The following HTR4 variants were observed in gnomAD, a reference collection of about 807,000 sequenced individuals.
HTR4 encodes the protein 5-hydroxytryptamine receptor 4, also known as 5-hydroxytryptamine (serotonin) receptor 4, G protein-coupled.
HTR4 carries 16 observed loss-of-function variants against 36.8 expected under a neutral mutation model. The ratio of observed to expected loss-of-function variants is 0.43; its 90% CI spans 0.29 to 0.66. The LOEUF (loss-of-function observed/expected upper bound fraction) is 0.66. Among genes scored for constraint, HTR4 ranks in the 30% least tolerant of loss-of-function variants. The pLI is 0.13. For missense variants in HTR4, 438 were observed against 490.9 expected, an observed-to-expected ratio of 0.89 and a Z score of 1.02; for synonymous variants, 189 against 185.1, an observed-to-expected ratio of 1.02 and a Z score of -0.17.
intron 2 of HTR4, among the ~76,000 whole-genome samples, chr5:148,621,192 A>C (rs1036193939): frequency 6.6e-6 from 1 of 152,242 alleles, no homozygotes; most frequent in African/African-American, 2.4e-5. Context: ...CATGTCTTCC[A>C]ATTCCTAACA....
intron 5 of HTR4, among the ~76,000 whole-genome samples, chr5:148,514,555 G>T (rs952390122): frequency 6.6e-6 from 1 of 152,060 alleles, no homozygotes; most frequent in African/African-American, 2.4e-5. Context: ...AATAGCTCTT[G>T]ACTGAAGAGA....
At chr5:148,507,783 A>G (rs544807194) in intron 6 of HTR4, among the ~76,000 whole-genome samples, 1 of 152,170 alleles carries the variant, frequency 6.6e-6, no homozygotes, top group Non-Finnish European at 1.5e-5. Context: ...ACTGCTAAAC[A>G]ACTGACTTAG....
At chr5:148,570,783 T>A (rs1760642777) in intron 2 of HTR4, among the ~76,000 whole-genome samples, 1 of 152,132 alleles carries the variant, frequency 6.6e-6, no homozygotes, top group Non-Finnish European at 1.5e-5. Flanking sequence ...CTATCTGGTG[T>A]ATAAAAGAGA....
chr5:148,654,193 C>T lies in HTR4; in HGVS notation c.-179G>A, dbSNP rs954387142. On this transcript the variant is annotated 5_prime_UTR_variant, in exon 1 of 7. Transcript: ENST00000377888. The stretch of plus-strand genomic sequence containing the variant: ...CTGCCTGCGCCCTCCCTGCCGCCCC[C>T]TCGGGTGCGGGCTCCAGCCCCCGCG... 5.1e-6 allele frequency: 5 copies of T among 985,400 alleles called. No homozygotes were observed. Among genetic ancestry groups the T allele is most frequent in the Non-Finnish European group, 6.0e-6 (5 of 829,920 alleles). The allele number at this position is 985,400 out of a possible 1,614,324, so 61.0% of individuals were successfully genotyped here.
intron 2 of HTR4, among the ~76,000 whole-genome samples, chr5:148,611,886 A>C (rs62389000): frequency 6.7e-6 from 1 of 149,658 alleles, no homozygotes. Flanking sequence ...TCCTAGTCTC[A>C]GATAAAACAG....
chr5:148,528,857 T>C (rs1327521802), intron 4 of HTR4, among the ~76,000 whole-genome samples: 1 of 152,024 alleles, frequency 6.6e-6, no homozygotes, highest in Non-Finnish European at 1.5e-5. Context: ...GGTTTGATAA[T>C]AATAGCTAGT....
chr5:148,481,481 C>A, downstream of HTR4: 1 of 1,241,742 alleles, frequency 8.1e-7, no homozygotes, highest in Middle Eastern at 1.9e-4. Context: ...TATTTTCCTT[C>A]CCTAAAACAT....
intron 5 of HTR4, among the ~76,000 whole-genome samples, chr5:148,516,437 G>C (rs1293127818): frequency 6.7e-6 from 1 of 148,864 alleles, no homozygotes; most frequent in Non-Finnish European, 1.5e-5. Flanking sequence ...CTTCTGCCTC[G>C]GTCTCCTGAG....
chr5:148,653,109 C>T (rs985037248), intron 1 of HTR4, among the ~76,000 whole-genome samples: 4 of 152,150 alleles, frequency 2.6e-5, no homozygotes, highest in Non-Finnish European at 5.9e-5. Context: ...CACTACTGCT[C>T]ACCACAGTCA....
chr5:148,607,146 G>A (rs1752206851), intron 2 of HTR4, among the ~76,000 whole-genome samples: 1 of 152,124 alleles, frequency 6.6e-6, no homozygotes, highest in African/African-American at 2.4e-5. Flanking sequence ...CAGAGAAATT[G>A]TTTAACTTCC....
intron 5 of HTR4, among the ~76,000 whole-genome samples, chr5:148,516,939 C>T (rs1757787057): frequency 6.6e-6 from 1 of 152,182 alleles, no homozygotes; most frequent in Admixed American, 6.5e-5. Flanking sequence ...TACTTTTACA[C>T]AGACCTTATA....
At chr5:148,476,097 G>A (rs1755685762), downstream of HTR4, among the ~76,000 whole-genome samples, 1 of 152,244 alleles carries the variant, frequency 6.6e-6, no homozygotes, top group Non-Finnish European at 1.5e-5. Context: ...GGATGCTGCT[G>A]AAAAATCTGA....
intron 5 of HTR4, among the ~76,000 whole-genome samples, chr5:148,522,740 G>A (rs1758081038): frequency 6.6e-6 from 1 of 152,124 alleles, no homozygotes; most frequent in South Asian, 2.1e-4. Context: ...GGGGTTAGTG[G>A]ATGGAAAATT....
intron 5 of HTR4, among the ~76,000 whole-genome samples, chr5:148,469,539 G>T (rs1755513106): frequency 6.6e-6 from 1 of 152,182 alleles, no homozygotes; most frequent in Admixed American, 6.5e-5. Context: ...TCTGAGTCCT[G>T]GCACATTCTG....
downstream of HTR4, among the ~76,000 whole-genome samples, chr5:148,473,628 C>T (rs543813213): frequency 5.3e-5 from 8 of 152,232 alleles, no homozygotes; most frequent in East Asian, 5.8e-4. Context: ...TAATCACTAT[C>T]GGTGTTTGTT....
intron 4 of HTR4, among the ~76,000 whole-genome samples, chr5:148,538,103 C>T (rs983685682): frequency 6.6e-6 from 1 of 152,110 alleles, no homozygotes; most frequent in African/African-American, 2.4e-5. Context: ...TGTGATTCAT[C>T]ACATAAACAG....
intron 2 of HTR4, among the ~76,000 whole-genome samples, chr5:148,616,184 C>T (rs1468453746): frequency 6.6e-6 from 1 of 152,206 alleles, no homozygotes; most frequent in Non-Finnish European, 1.5e-5. Context: ...CTTTTTGACA[C>T]ACATGCTGTT....
chr5:148,521,343 A>G (rs970366071), intron 5 of HTR4, among the ~76,000 whole-genome samples: 4 of 152,080 alleles, frequency 2.6e-5, no homozygotes, highest in African/African-American at 7.2e-5. Context: ...TTTGGATGAG[A>G]TTAACATTTG....
At position 148,631,110 on chromosome 5, in the gene HTR4, G is replaced by C. The variant is rs1033129396; in HGVS notation, c.26+5879C>G. On this transcript the variant is annotated intron_variant, in intron 2 of 6. Coordinates refer to ENST00000377888, the MANE Select transcript of HTR4 (RefSeq NM_000870.7). ...TAAATGTATCTTCTTCCTTCTAGTA[G>C]TTTGTGATGCCTCTAGCTTGAGGTT... 3.3e-5 allele frequency among the ~76,000 whole-genome samples: 5 copies of C among 152,200 alleles called. No individual in the cohort carries two copies. In the East Asian group the frequency reaches 9.7e-4, roughly 29 times the overall value.
Sources: allele counts gnomAD v4.1 joint callset (sites outside exome capture counted in the v4.1 genomes callset), GRCh38; gene constraint gnomAD v4.1.1; transcripts MANE v1.5; gene names NCBI Gene and HGNC (gene_info 2026-07-23, HGNC 2026-07-21).